The following VPS54 variants were observed in gnomAD, a reference collection of about 807,000 sequenced individuals.
VPS54 encodes vacuolar protein sorting-associated protein 54.
In VPS54, 45 loss-of-function variants were observed where a neutral mutation model predicts 121.5. That is an observed-to-expected ratio of 0.37 (90% CI 0.29 to 0.47). VPS54 has a LOEUF of 0.47. VPS54 is among the 20% of genes least tolerant of loss of function. The probability of loss-of-function intolerance (pLI) is 0.99; values close to 1 mark genes in which losing one functional copy is unlikely to be tolerated. For synonymous variants in VPS54, 371 were observed against 385.8 expected, an observed-to-expected ratio of 0.96 and a Z score of 0.45; for missense variants, 1,090 against 1,131.4, an observed-to-expected ratio of 0.96 and a Z score of 0.52.
At chr2:63,943,540 A>C (rs2104513058) in intron 10 of VPS54, among the ~76,000 whole-genome samples, 1 of 152,314 alleles carries the variant, frequency 6.6e-6, no homozygotes, top group South Asian at 2.1e-4. Flanking sequence ...AATAGTGTGG[A>C]AATTAATACT....
intron 20 of VPS54, among the ~76,000 whole-genome samples, chr2:63,904,438 CAAAAAAAAAAAAA>C (rs58651830): frequency 5.0e-5 from 1 of 19,922 alleles, no homozygotes; most frequent in Non-Finnish European, 8.1e-5. Flanking sequence ...GACTTGGTCT[CAAAAAAAAAAAAA>C]AAAAAAAAAA....
chr2:63,971,380 A>G (rs925934272), intron 4 of VPS54, among the ~76,000 whole-genome samples: 3 of 152,236 alleles, frequency 2.0e-5, no homozygotes, highest in Non-Finnish European at 4.4e-5. Flanking sequence ...GTAGCTTTAT[A>G]GTGTCTTCAG....
intron 15 of VPS54, among the ~76,000 whole-genome samples, chr2:63,917,935 AATGAG>A (rs1440802778): frequency 6.6e-6 from 1 of 152,034 alleles, no homozygotes; most frequent in Admixed American, 6.5e-5. Context: ...TGGACCTGTA[AATGAG>A]ATAACACATG....
At chr2:64,010,862 G>A (rs1678395887) in intron 1 of VPS54, among the ~76,000 whole-genome samples, 1 of 152,176 alleles carries the variant, frequency 6.6e-6, no homozygotes, top group African/African-American at 2.4e-5. Context: ...GAGCATTAAA[G>A]AAGTATGGAA....
rs1228944121 is a variant in VPS54 at position 63,912,535 on chromosome 2, A to G, written c.2544+5T>C. 2 of 1,612,142 alleles carry G rather than the reference A, an allele frequency of 1.2e-6. No homozygotes were observed. Among genetic ancestry groups the G allele is most frequent in the Non-Finnish European group, 1.7e-6 (2 of 1,179,438 alleles). On this transcript the variant is annotated splice_donor_5th_base_variant and intron_variant, in intron 19 of 22. Coordinates refer to ENST00000272322, the MANE Select transcript of VPS54 (RefSeq NM_016516.3). ...AACGCCAATAGAAAATATATGAAAA[A>G]GTACCTTAGTGATATGATCAAAATG... is the stretch of plus-strand genomic sequence containing the variant.
intron 22 of VPS54, among the ~76,000 whole-genome samples, chr2:63,896,837 C>T (rs1168630737): frequency 6.6e-6 from 1 of 152,114 alleles, no homozygotes; most frequent in Non-Finnish European, 1.5e-5. Flanking sequence ...TCTTTATCTA[C>T]ATAACTCTTC....
chr2:63,907,450 G>A (rs549004216), intron 20 of VPS54, among the ~76,000 whole-genome samples: 8 of 151,386 alleles, frequency 5.3e-5, no homozygotes, highest in African/African-American at 7.3e-5. Context: ...CCCGGGAGGC[G>A]GAGGTTGCGG....
intron 20 of VPS54, among the ~76,000 whole-genome samples, chr2:63,907,920 G>A (rs1218843783): frequency 6.6e-6 from 1 of 152,122 alleles, no homozygotes; most frequent in African/African-American, 2.4e-5. Context: ...AAGTGATGGT[G>A]AAGAGCACCT....
Position 63,897,652 on chromosome 2 carries a change from T to C in VPS54, c.2734-62A>G, listed in dbSNP as rs1465601600. ...ACTGAAATAGAAGATATCTGAGTTA[T>C]CAATATTATTTAGAGAAAGTATTTT... On this transcript the variant is annotated intron_variant, in intron 21 of 22. Coordinates refer to ENST00000272322, the MANE Select transcript of VPS54 (RefSeq NM_016516.3). 1.1e-5 allele frequency: 11 copies of C among 992,884 alleles called. No individual in the cohort carries two copies. The East Asian group carries it at 2.1e-4, about 19-fold the overall frequency. The allele number at this position is 992,884 out of a possible 1,614,324, so 61.5% of individuals were successfully genotyped here. A position where few individuals can be genotyped will look rare whatever the true frequency, so the allele number is the denominator to read the frequency against.
Position 63,988,830 on chromosome 2 carries a change from G to A in VPS54, c.-20-4811C>T, listed in dbSNP as rs6743003. Among the ~76,000 whole-genome samples the A allele has an allele frequency of 3.4e-3, 513 of 152,262 alleles. 2 individuals are homozygous for A. The highest frequency in any genetic ancestry group is 0.012 in the African/African-American group (487 of 41,544). ...AAAAAAGAACAGGCAGGATAACAGC[G>A]ATGTTCAGGGAACAAGGGAGATAAC... On this transcript the variant is annotated intron_variant, in intron 1 of 22. Transcript: ENST00000272322.
chr2:63,947,771 A>G (rs1372701428), intron 8 of VPS54, among the ~76,000 whole-genome samples: 2 of 152,162 alleles, frequency 1.3e-5, no homozygotes, highest in Non-Finnish European at 2.9e-5. Flanking sequence ...TTCAACAAGT[A>G]AAAAATATCC....
At chr2:63,958,481 T>C (rs1010446781) in intron 7 of VPS54, among the ~76,000 whole-genome samples, 2 of 152,040 alleles carry the variant, frequency 1.3e-5, no homozygotes, top group African/African-American at 4.8e-5. Context: ...TACTGGAAAA[T>C]TGTGGTATGA....
intron 1 of VPS54, among the ~76,000 whole-genome samples, chr2:64,006,218 T>C (rs1678147968): frequency 6.6e-6 from 1 of 152,234 alleles, no homozygotes; most frequent in African/African-American, 2.4e-5. Flanking sequence ...AGCAAATGAA[T>C]GAATATCACA....
chr2:63,906,294 G>A (rs1183257816), intron 20 of VPS54, among the ~76,000 whole-genome samples: 1 of 152,068 alleles, frequency 6.6e-6, no homozygotes, highest in Non-Finnish European at 1.5e-5. Flanking sequence ...CTACAAAATT[G>A]GCATTGTAAC....
intron 1 of VPS54, among the ~76,000 whole-genome samples, chr2:63,997,116 T>G (rs1193028043): frequency 6.6e-6 from 1 of 152,200 alleles, no homozygotes; most frequent in Non-Finnish European, 1.5e-5. Context: ...AGAACCTATG[T>G]TGAAATACAG....
rs191554091 is a variant in VPS54, at chr2:63,988,020, T to C, written c.-20-4001A>G. On this transcript the variant is annotated intron_variant, in intron 1 of 22. Coordinates refer to ENST00000272322, the MANE Select transcript of VPS54 (RefSeq NM_016516.3). ...ATTTGGATGCTTTCTTTCTTTCTCC[T>C]GTCTGACTGCTCCGGCTAGGACTTC... Among the ~76,000 whole-genome samples the C allele has an allele frequency of 5.4e-4, 83 of 152,370 alleles. 1 individual carries two copies. The highest frequency in any genetic ancestry group is 6.2e-4 in the South Asian group (3 of 4,830).
At chr2:63,981,563 T>C (rs1290374446) in intron 3 of VPS54, 83 bp downstream of exon 3, 2 of 1,437,532 alleles carry the variant, frequency 1.4e-6, no homozygotes, top group African/African-American at 2.9e-5. Flanking sequence ...CAAACATTAC[T>C]GGTCAAAAAT....
In VPS54 at chr2:63,947,444, A is replaced by G. The variant is rs1465979170; in HGVS notation, c.1184T>C (p.Leu395Pro). ...TTCACCATAGATTTCTAAAAAATTA[A>G]GCTTTCTTTGTTTTAAAAGTCCAAA... ...LVFGLLKQRK[L>P]NFLEIYGEKM... Residue 395 changes from leucine to proline, a missense_variant, in exon 9 of 23, where the codon CTT becomes CCT. By Grantham distance (98) the Leu-to-Pro change is moderately conservative. Coordinates refer to ENST00000272322, the MANE Select transcript of VPS54 (RefSeq NM_016516.3). The G allele has an allele frequency of 6.4e-7, 1 of 1,551,860 alleles. No individual in the cohort carries two copies. Among genetic ancestry groups the G allele is most frequent in the Non-Finnish European group, 8.8e-7 (1 of 1,134,156 alleles).
intron 20 of VPS54, among the ~76,000 whole-genome samples, chr2:63,900,613 G>T (rs547850722): frequency 6.6e-6 from 1 of 152,288 alleles, no homozygotes; most frequent in South Asian, 2.1e-4. Context: ...GAACGCTATA[G>T]GAACTCAAGT....
Sources: allele counts gnomAD v4.1 joint callset (sites outside exome capture counted in the v4.1 genomes callset), GRCh38; gene constraint gnomAD v4.1.1; transcripts MANE v1.5; gene names NCBI Gene and HGNC (gene_info 2026-07-23, HGNC 2026-07-21).